Variants in RNF19A observed in about 807,000 individuals in gnomAD.
The protein encoded by RNF19A is ring finger protein 19A, RBR E3 ubiquitin protein ligase.
Under a neutral mutation model 75.7 loss-of-function variants are expected in RNF19A, and 32 were observed. The ratio of observed to expected loss-of-function variants is 0.42; its 90% CI spans 0.32 to 0.57. The LOEUF (loss-of-function observed/expected upper bound fraction) is 0.57, where lower values mean the gene tolerates loss of function less well. RNF19A is among the 20% of genes least tolerant of loss of function. The pLI, the probability that RNF19A is intolerant of heterozygous loss-of-function variation, is 0.10. For synonymous variants in RNF19A, 335 were observed against 345.2 expected, an observed-to-expected ratio of 0.97 and a Z score of 0.33; for missense variants, 782 against 1,036.3, an observed-to-expected ratio of 0.75 and a Z score of 3.37.
At chr8:100,300,648 G>C (rs2130137576) in intron 1 of RNF19A, 1 of 151,820 alleles carries the variant, frequency 6.6e-6, no homozygotes, top group South Asian at 2.1e-4. Context: ...GTGAGGCCCT[G>C]TCTCTGAAAA....
chr8:100,314,496 G>A (rs147007906), upstream of RNF19A, among the ~76,000 whole-genome samples: 338 of 152,106 alleles, frequency 2.2e-3, 2 homozygotes, highest in Non-Finnish European at 4.1e-3. The surrounding 1 kb of genome is among the most constrained non-coding windows in gnomAD (Gnocchi z 4.1). Flanking sequence ...CCTACCCCTG[G>A]CCCCTTCCCT....
chr8:100,258,304 A>G lies in RNF19A; in HGVS notation c.*252T>C. On this transcript the variant is annotated 3_prime_UTR_variant, in exon 10 of 10. Transcript: ENST00000341084. This position sits in a 1 kb window ranked among gnomAD's most constrained non-coding sequence, Gnocchi z 4.3. ...TGTGCTTCAAGCAATGTTTTGTGGCAAACACACAAAACATGCTTTGCTCTT... is the reference window on the plus strand; with the variant it reads ...TGTGCTTCAAGCAATGTTTTGTGGCGAACACACAAAACATGCTTTGCTCTT... 1 of 444,336 alleles carries G rather than the reference A, an allele frequency of 2.3e-6. No individual in the cohort carries two copies. Among genetic ancestry groups the G allele is most frequent in the Non-Finnish European group, 3.9e-6 (1 of 253,392 alleles). The allele number at this position is 444,336 out of a possible 1,614,324, so 27.5% of individuals were successfully genotyped here. A position where few individuals can be genotyped will look rare whatever the true frequency, so the allele number is the denominator to read the frequency against.
chr8:100,292,077 T>C (rs1043570514), intron 1 of RNF19A, among the ~76,000 whole-genome samples: 13 of 151,386 alleles, frequency 8.6e-5, no homozygotes, highest in Admixed American at 3.3e-4. Context: ...AAAGCTATTC[T>C]ATACTCAAGT....
Position 100,258,458 on chromosome 8 carries a change from G to A in RNF19A, c.*98C>T, listed in dbSNP as rs143268683. 1,014 of 967,202 alleles carry A rather than the reference G, an allele frequency of 1.0e-3. 16 individuals are homozygous for A. In the East Asian group the frequency reaches 0.021, roughly 20 times the overall value. The allele number at this position is 967,202 out of a possible 1,614,324, so 59.9% of individuals were successfully genotyped here. A position where few individuals can be genotyped will look rare whatever the true frequency, so the allele number is the denominator to read the frequency against. On this transcript the variant is annotated 3_prime_UTR_variant, in exon 10 of 10. Coordinates refer to ENST00000341084, the MANE Select transcript of RNF19A (RefSeq NM_183419.4). The surrounding 1 kb of genome is among the most constrained non-coding windows in gnomAD (Gnocchi z 4.3). ...TATCTGCATTATGATAATGAAACCCGGCTTTTGCTGGTAACCTGAAACTTA... is the reference window on the plus strand; with the variant it reads ...TATCTGCATTATGATAATGAAACCCAGCTTTTGCTGGTAACCTGAAACTTA...
rs1022868538 is a variant in RNF19A, at chr8:100,331,529, C to T, written c.-243+4579G>A. Among the ~76,000 whole-genome samples, 3 of 151,796 alleles carry T rather than the reference C, an allele frequency of 2.0e-5. No homozygotes were observed. The highest frequency in any genetic ancestry group is 4.8e-5 in the African/African-American group (2 of 41,288). ...GCATGCACCAGCAGTCCCAGCTACT[C>T]GGGAGGCTGAGGCAGGAGGATTGCT... On this transcript the variant is annotated intron_variant, in intron 1 of 3. Coordinates refer to the RNF19A transcript ENST00000519527. This position sits in a 1 kb window ranked among gnomAD's most constrained non-coding sequence, Gnocchi z 5.2.
chr8:100,263,144 G>C (rs1241871596), intron 7 of RNF19A, among the ~76,000 whole-genome samples: 1 of 152,224 alleles, frequency 6.6e-6, no homozygotes, highest in South Asian at 2.1e-4. Context: ...TGAGATTAGG[G>C]GAAAAGTGTA....
intron 2 of RNF19A, among the ~76,000 whole-genome samples, chr8:100,278,075 T>C (rs1422975464): frequency 1.3e-5 from 2 of 152,270 alleles, no homozygotes; most frequent in Non-Finnish European, 2.9e-5. Context: ...ACTTGTGTAA[T>C]TTTAAGTAAA....
chr8:100,299,006 A>G (rs994935385), intron 1 of RNF19A, among the ~76,000 whole-genome samples: 1 of 152,172 alleles, frequency 6.6e-6, no homozygotes, highest in African/African-American at 2.4e-5. Flanking sequence ...ATTTCCTTCA[A>G]CTGGTTAAAA....
At chr8:100,272,538 C>CT (rs368580933) in intron 3 of RNF19A, among the ~76,000 whole-genome samples, 1,630 of 144,192 alleles carry the variant, frequency 0.011, 20 homozygotes, top group Admixed American at 0.022. Context: ...GTTCACTACA[C>CT]TTTTTTTTTT....
At chr8:100,310,078 G>C (rs189409348), upstream of RNF19A, 1 of 985,328 alleles carries the variant, frequency 1.0e-6, no homozygotes, top group African/African-American at 1.7e-5. Flanking sequence ...GGCTGCTCCC[G>C]GGAACCAGCG....
chr8:100,314,720 C>T (rs1270430489), upstream of RNF19A, among the ~76,000 whole-genome samples: 1 of 152,168 alleles, frequency 6.6e-6, no homozygotes, highest in Non-Finnish European at 1.5e-5. The surrounding 1 kb of genome is among the most constrained non-coding windows in gnomAD (Gnocchi z 4.1). Context: ...TATCAACTCT[C>T]ACTGGTCCTG....
intron 1 of RNF19A, among the ~76,000 whole-genome samples, chr8:100,301,062 T>A (rs916611720): frequency 6.6e-6 from 1 of 152,220 alleles, no homozygotes. Context: ...TTAGAGCTAG[T>A]AGGTTCGATG....
rs1448753609 is a variant in RNF19A, at chr8:100,280,529, C to A, written c.675-5368G>T. Among the ~76,000 whole-genome samples the A allele has an allele frequency of 3.3e-5, 5 of 152,004 alleles. No individual in the cohort carries two copies. The East Asian group carries it at 9.6e-4, about 29-fold the overall frequency. ...AAATGGAAAAGGTAAGATGTCCTAC[C>A]CCTAGAACTAAACATTCAAGTCTTA... is the stretch of plus-strand genomic sequence containing the variant. On this transcript the variant is annotated intron_variant, in intron 2 of 9. Transcript: ENST00000341084.
chr8:100,281,672 G>A (rs889062853), intron 2 of RNF19A, among the ~76,000 whole-genome samples: 13 of 152,118 alleles, frequency 8.5e-5, no homozygotes, highest in Non-Finnish European at 1.8e-4. Context: ...GATTAAAAGA[G>A]AATGAAGAAA....
At chr8:100,279,324 T>A (rs1196805203) in intron 2 of RNF19A, among the ~76,000 whole-genome samples, 1 of 152,148 alleles carries the variant, frequency 6.6e-6, no homozygotes, top group East Asian at 1.9e-4. Flanking sequence ...AAATTACTAA[T>A]CCTGCATTAC....
Position 100,274,968 on chromosome 8 carries a change from C to G in RNF19A, c.868G>C (p.Glu290Gln), listed in dbSNP as rs1265279272. Residue 290 changes from glutamate (E) to glutamine (Q), a missense_variant, in exon 3 of 10, where the codon GAG becomes CAG. Physicochemically the swap from Glu to Gln is conservative, Grantham distance 29 (BLOSUM62 2). This residue lies in a region of RNF19A where 31 missense variants were observed against 48.8 expected (regional missense o/e 0.64). Transcript: ENST00000341084. ...IRSSSISYSQ[E>Q]SGAAADDIKP... ...ACATAAATACCTGCTGCTCCAGACT[C>G]TTGACTATAACTAATGGATGAAGAA... 11 of 1,613,526 alleles carry G rather than the reference C, an allele frequency of 6.8e-6. No individual in the cohort carries two copies. Among genetic ancestry groups the G allele is most frequent in the Non-Finnish European group, 9.3e-6 (11 of 1,179,700 alleles).
At position 100,259,702 on chromosome 8, in the gene RNF19A, T is replaced by C. The variant is rs1413251557; in HGVS notation, c.1826+152A>G. The C allele has an allele frequency of 4.5e-6, 3 of 670,378 alleles. No individual in the cohort carries two copies. The highest frequency in any genetic ancestry group is 4.1e-5 in the South Asian group (2 of 49,142). The allele number at this position is 670,378 out of a possible 1,614,324, so 41.5% of individuals were successfully genotyped here. On this transcript the variant is annotated intron_variant, in intron 9 of 9. Coordinates refer to ENST00000341084, the MANE Select transcript of RNF19A (RefSeq NM_183419.4). The surrounding 1 kb of genome is among the most constrained non-coding windows in gnomAD (Gnocchi z 4.5). ...AACCACAAATCCACTTTATGATCTA[T>C]ACAGATTTGCCTACTCTGGACAGCT... is the stretch of plus-strand genomic sequence containing the variant.
intron 1 of RNF19A, among the ~76,000 whole-genome samples, chr8:100,293,589 G>T (rs1471442043): frequency 6.6e-6 from 1 of 152,072 alleles, no homozygotes; most frequent in Non-Finnish European, 1.5e-5. Flanking sequence ...GGTTTTCCTT[G>T]TCTCTATCCT....
At chr8:100,316,537 C>T (rs1165004429) in intron 1 of RNF19A, among the ~76,000 whole-genome samples, 5 of 152,128 alleles carry the variant, frequency 3.3e-5, no homozygotes, top group African/African-American at 1.2e-4. Flanking sequence ...TACAGAGTAT[C>T]AACACAAAGG....
Sources: gnomAD v4.1 joint callset for allele counts (sites outside exome capture counted in the v4.1 genomes callset) on GRCh38, gnomAD v4.1.1 for gene constraint, gnomAD v4.1.1 regional missense constraint, Gnocchi (gnomAD v3.1) non-coding constraint, MANE v1.5 for transcripts, NCBI Gene and HGNC (gene_info 2026-07-23, HGNC 2026-07-21) for gene names.